Variants in PDZD2 observed in about 807,000 individuals in gnomAD.
PDZD2 encodes the protein PDZ domain containing 2, also known as PDZ domain-containing protein 2.
A neutral mutation model predicts 220.7 loss-of-function variants in PDZD2; 90 were observed. The observed-to-expected ratio is 0.41, with a 90% CI of 0.34 to 0.49. The LOEUF (loss-of-function observed/expected upper bound fraction) is 0.49. Among genes scored for constraint, PDZD2 ranks in the 20% least tolerant of loss-of-function variants. The pLI is 0.28. For missense variants in PDZD2, 3,174 were observed against 3,608.5 expected, an observed-to-expected ratio of 0.88 and a Z score of 3.08; for synonymous variants, 1,375 against 1,450.5, an observed-to-expected ratio of 0.95 and a Z score of 1.18.
intron 2 of PDZD2, among the ~76,000 whole-genome samples, chr5:31,831,872 C>T (rs1208949599): frequency 6.4e-5 from 9 of 140,046 alleles, no homozygotes; most frequent in Non-Finnish European, 1.2e-4. Flanking sequence ...CAAGATTGCC[C>T]CACTGCACTC....
chr5:32,024,093 C>T (rs1487013971), intron 6 of PDZD2, among the ~76,000 whole-genome samples: 1 of 152,148 alleles, frequency 6.6e-6, no homozygotes, highest in Non-Finnish European at 1.5e-5. Context: ...TTCATGATTG[C>T]CCCGTAGTGC....
chr5:31,727,647 C>T (rs1269608762), intron 1 of PDZD2, among the ~76,000 whole-genome samples: 20 of 149,130 alleles, frequency 1.3e-4, no homozygotes, highest in Admixed American at 4.1e-4. Context: ...TTGCAGTGAG[C>T]CGAGATCGTG....
At chr5:31,704,950 T>C (rs1968846) in intron 1 of PDZD2, among the ~76,000 whole-genome samples, 114,112 of 152,048 alleles carry the variant, frequency 0.75, 43,680 homozygotes, top group East Asian at 0.94. Flanking sequence ...CATTTGAGGC[T>C]GGAAGTTCGA....
intron 6 of PDZD2, among the ~76,000 whole-genome samples, chr5:32,026,016 A>G (rs2112165245): frequency 6.6e-6 from 1 of 152,334 alleles, no homozygotes; most frequent in East Asian, 1.9e-4. Flanking sequence ...AGATTTGTCT[A>G]AAAAAGAGCC....
intron 1 of PDZD2, among the ~76,000 whole-genome samples, chr5:31,790,889 G>A (rs1367250022): frequency 3.3e-5 from 5 of 151,416 alleles, no homozygotes; most frequent in East Asian, 2.0e-4. Context: ...TAGTAGAGAC[G>A]GGATTTCACC....
chr5:32,000,419 G>T lies in PDZD2; in HGVS notation c.1254+148G>T. On this transcript the variant is annotated intron_variant, in intron 5 of 24. Transcript: ENST00000438447. This position sits in a 1 kb window ranked among gnomAD's most constrained non-coding sequence, Gnocchi z 4.5. ...ATTGAAACAGCCTTGCTTCCACAGGGCAACGCTATATGGAGACCCTTAGCT... is the reference window on the plus strand; with the variant it reads ...ATTGAAACAGCCTTGCTTCCACAGGTCAACGCTATATGGAGACCCTTAGCT... 1.3e-6 allele frequency: 1 copy of T among 798,438 alleles called. No individual in the cohort carries two copies. The highest frequency in any genetic ancestry group is 2.0e-5 in the Admixed American group (1 of 49,028). 49.5% of individuals were successfully genotyped at this position (798,438 alleles called of 1,614,324 possible).
intron 1 of PDZD2, among the ~76,000 whole-genome samples, chr5:31,699,785 T>G (rs60029851): frequency 0.26 from 36,779 of 141,834 alleles, 4,900 homozygotes; most frequent in Admixed American, 0.35. Flanking sequence ...TTGTTTGTTT[T>G]TTTTTTGTTT....
chr5:31,886,700 C>T (rs1223582990), intron 2 of PDZD2, among the ~76,000 whole-genome samples: 2 of 124,264 alleles, frequency 1.6e-5, no homozygotes, highest in African/African-American at 5.4e-5. Context: ...TTGTCTCTGT[C>T]TCTTTTTTTT....
In PDZD2 at chr5:31,872,226, T is replaced by C. The variant is rs567475195; in HGVS notation, c.476+72502T>C. ...GTGGGCAAAGCAGAGAGCCCAGCCA[T>C]AGAAGGTGGTAGGGCAGTCTAGAGA... On this transcript the variant is annotated intron_variant, in intron 2 of 24. Coordinates refer to ENST00000438447, the MANE Select transcript of PDZD2 (RefSeq NM_178140.4). Among the ~76,000 whole-genome samples, 82 of 151,020 alleles carry C rather than the reference T, an allele frequency of 5.4e-4. 1 individual carries two copies. Among genetic ancestry groups the C allele is most frequent in the Non-Finnish European group, 1.0e-3 (70 of 67,866 alleles).
At chr5:31,699,781 G>GTTTTTTTTTTTTTT (rs11370810) in intron 1 of PDZD2, among the ~76,000 whole-genome samples, 1 of 142,130 alleles carries the variant, frequency 7.0e-6, no homozygotes, top group Non-Finnish European at 1.5e-5. Flanking sequence ...TTTTTTGTTT[G>GTTTTTTTTTTTTTT]TTTTTTTTTT....
Position 31,860,619 on chromosome 5 carries a change from G to A in PDZD2, c.476+60895G>A, listed in dbSNP as rs118041932. On this transcript the variant is annotated intron_variant, in intron 2 of 24. Coordinates refer to ENST00000438447, the MANE Select transcript of PDZD2 (RefSeq NM_178140.4). ...CTCCTTCTGTTGCAGGTGCCCACTCGGGGCCACATTTCAGGTAGGCTACAT... is the reference window on the plus strand; with the variant it reads ...CTCCTTCTGTTGCAGGTGCCCACTCAGGGCCACATTTCAGGTAGGCTACAT... Among the ~76,000 whole-genome samples the A allele has an allele frequency of 1.2e-3, 185 of 152,208 alleles. 1 individual carries two copies. The East Asian group carries it at 0.025, about 21-fold the overall frequency.
intron 2 of PDZD2, among the ~76,000 whole-genome samples, chr5:31,977,246 A>C (rs191953815): frequency 4.6e-5 from 7 of 152,250 alleles, no homozygotes; most frequent in Non-Finnish European, 8.8e-5. Context: ...AGGCATTAAT[A>C]ATTGATGGCT....
At chr5:31,908,532 G>GT (rs1742890844) in intron 2 of PDZD2, 2 of 1,077,844 alleles carry the variant, frequency 1.9e-6, no homozygotes, top group East Asian at 6.3e-5. Flanking sequence ...CCGAGGGCGA[G>GT]GGCACGGAAA....
intron 2 of PDZD2, among the ~76,000 whole-genome samples, chr5:31,952,109 A>T (rs976246677): frequency 2.0e-5 from 3 of 152,206 alleles, no homozygotes; most frequent in African/African-American, 7.2e-5. Context: ...ATTAAATTGT[A>T]ATTATTACAT....
intron 1 of PDZD2, among the ~76,000 whole-genome samples, chr5:31,692,694 G>A (rs1229816692): frequency 6.6e-6 from 1 of 152,244 alleles, no homozygotes; most frequent in Non-Finnish European, 1.5e-5. Flanking sequence ...GCTGAGGGAC[G>A]TGGACAGTGT....
At chr5:31,679,755 C>A (rs1210584010) in intron 1 of PDZD2, among the ~76,000 whole-genome samples, 1 of 152,168 alleles carries the variant, frequency 6.6e-6, no homozygotes, top group African/African-American at 2.4e-5. Context: ...AGTGATCTTC[C>A]AGCCTCAGCC....
At chr5:31,773,429 A>G (rs1312621753) in intron 1 of PDZD2, among the ~76,000 whole-genome samples, 1 of 151,730 alleles carries the variant, frequency 6.6e-6, no homozygotes, top group Non-Finnish European at 1.5e-5. Context: ...ACTTGAGGTC[A>G]GGAGCCCGAG....
chr5:31,908,581 C>T (rs1373855645), intron 2 of PDZD2: 5 of 982,540 alleles, frequency 5.1e-6, no homozygotes, highest in Middle Eastern at 2.6e-4. Context: ...CATGAACCAT[C>T]ACTTTCAGGA....
At chr5:31,865,344 G>A (rs929990669) in intron 2 of PDZD2, among the ~76,000 whole-genome samples, 1 of 151,994 alleles carries the variant, frequency 6.6e-6, no homozygotes, top group East Asian at 1.9e-4. Context: ...ACAAGGTCTT[G>A]CTCTTTGTCC....
Sources: allele counts gnomAD v4.1 joint callset (sites outside exome capture counted in the v4.1 genomes callset), GRCh38; gene constraint gnomAD v4.1.1; non-coding constraint Gnocchi (gnomAD v3.1); transcripts MANE v1.5; gene names NCBI Gene and HGNC (gene_info 2026-07-23, HGNC 2026-07-21).